The following GSE1 variants were observed in gnomAD, a reference collection of about 807,000 sequenced individuals.
The protein encoded by GSE1 is Gse1 coiled-coil protein.
In GSE1, 32 loss-of-function variants were observed where a neutral mutation model predicts 112.6. The observed-to-expected ratio is 0.28, with a 90% confidence interval of 0.21 to 0.38. The LOEUF (loss-of-function observed/expected upper bound fraction) is 0.38. Among genes scored for constraint, GSE1 ranks in the 10% least tolerant of loss-of-function variants. The pLI, the probability that GSE1 is intolerant of heterozygous loss-of-function variation, is 1.00. For missense variants in GSE1, 2,348 were observed against 1,699.2 expected (o/e 1.38, Z -6.71); for synonymous variants, 1,115 against 735.6 (o/e 1.52, Z -8.35).
chr16:85,217,248 A>C (rs1485783233), intron 1 of GSE1, among the ~76,000 whole-genome samples: 1 of 152,130 alleles, frequency 6.6e-6, no homozygotes, highest in Non-Finnish European at 1.5e-5. Flanking sequence ...ATGGGGGAAA[A>C]GGGTGGGAGG....
At chr16:85,270,676 C>T (rs529388928) in intron 1 of GSE1, among the ~76,000 whole-genome samples, 1 of 138,130 alleles carries the variant, frequency 7.2e-6, no homozygotes, top group South Asian at 2.2e-4. Context: ...GAAGGAAACA[C>T]ACACGAGAGG....
At chr16:85,540,645 T>C (rs1044474309) in intron 2 of GSE1, among the ~76,000 whole-genome samples, 2 of 152,170 alleles carry the variant, frequency 1.3e-5, no homozygotes, top group Non-Finnish European at 2.9e-5. Flanking sequence ...TACCCAGGTG[T>C]GGTGGCTCAC....
chr16:85,585,160 G>A (rs1253454459), intron 1 of GSE1, among the ~76,000 whole-genome samples: 1 of 152,194 alleles, frequency 6.6e-6, no homozygotes, highest in Admixed American at 6.5e-5. Flanking sequence ...TCTCTGGCGA[G>A]GCCACAGAGG....
intron 1 of GSE1, among the ~76,000 whole-genome samples, chr16:85,603,978 G>C (rs537549979): frequency 6.6e-6 from 1 of 152,122 alleles, no homozygotes; most frequent in South Asian, 2.1e-4. Context: ...CGGTATAATT[G>C]GTTCATGGTT....
upstream of GSE1, among the ~76,000 whole-genome samples, chr16:85,553,907 C>T (rs1474971881): frequency 6.6e-6 from 1 of 152,144 alleles, no homozygotes; most frequent in Non-Finnish European, 1.5e-5. Flanking sequence ...GCTGGGGACC[C>T]CTGATTTACG....
At chr16:85,372,690 A>T (rs2047328890) in intron 2 of GSE1, among the ~76,000 whole-genome samples, 1 of 152,080 alleles carries the variant, frequency 6.6e-6, no homozygotes, top group African/African-American at 2.4e-5. Flanking sequence ...TGGGTCTTAG[A>T]TTCCAGATCC....
Position 85,581,858 on chromosome 16 carries a change from T to A in GSE1, c.37+25495T>A, listed in dbSNP as rs144565421. On this transcript the variant is annotated intron_variant, in intron 1 of 2. Transcript: ENST00000635906. ...CTGTCCCCCACTGGCTGCATCCGAA[T>A]CTTATGGGGTTCTAGAAAACACAAA... 2.6e-5 allele frequency among the ~76,000 whole-genome samples: 4 copies of A among 152,212 alleles called. No individual in the cohort carries two copies. The East Asian group carries it at 7.7e-4, about 29-fold the overall frequency.
rs1021470710 is a variant in GSE1 at position 85,175,214 on chromosome 16, G to A, written c.2283+3407G>A. Among the ~76,000 whole-genome samples the A allele has an allele frequency of 3.9e-5, 6 of 152,282 alleles. No homozygotes were observed. In the Middle Eastern group the frequency reaches 0.01, roughly 259 times the overall value. On this transcript the variant is annotated intron_variant, in intron 1 of 2. Transcript: ENST00000637419. ...GATTTGCACTTTTCCCTCCAGCTGG[G>A]CCCCGGGTCCCCAGAGAGCACCATG...
intron 2 of GSE1, among the ~76,000 whole-genome samples, chr16:85,422,174 G>A (rs1395034680): frequency 6.6e-6 from 1 of 151,706 alleles, no homozygotes; most frequent in African/African-American, 2.4e-5. Flanking sequence ...CTCCTCCCCT[G>A]GTCCCTGGCT....
At chr16:85,469,191 G>A (rs1298407133) in intron 2 of GSE1, among the ~76,000 whole-genome samples, 1 of 152,194 alleles carries the variant, frequency 6.6e-6, no homozygotes, top group Non-Finnish European at 1.5e-5. Context: ...GGGATGTGGA[G>A]GTTGCAGTGA....
chr16:85,382,231 G>A lies in GSE1; in HGVS notation c.2464+24588G>A, dbSNP rs1487579052. ...GCTCATCTCCCCTGCCTGATCTCCCGTCCTGGTCATTCTCCAGCCCGCCCT... is the reference window on the plus strand; with the variant it reads ...GCTCATCTCCCCTGCCTGATCTCCCATCCTGGTCATTCTCCAGCCCGCCCT... On this transcript the variant is annotated intron_variant, in intron 2 of 2. Coordinates refer to the GSE1 transcript ENST00000637419. Among the ~76,000 whole-genome samples the A allele has an allele frequency of 2.6e-5, 4 of 152,112 alleles. No homozygotes were observed. The East Asian group carries it at 5.8e-4, about 22-fold the overall frequency.
chr16:85,312,204 CGGG>C (rs35882426), intron 1 of GSE1, among the ~76,000 whole-genome samples: 3 of 55,772 alleles, frequency 5.4e-5, no homozygotes, highest in African/African-American at 1.2e-4. Context: ...GATCCTCTTG[CGGG>C]GGGGGGGGGG....
upstream of GSE1, among the ~76,000 whole-genome samples, chr16:85,609,401 C>T (rs1186125522): frequency 1.3e-5 from 2 of 152,204 alleles, no homozygotes; most frequent in Non-Finnish European, 2.9e-5. Context: ...ACCCAGCTAA[C>T]CCTGGCCTCT....
intron 3 of GSE1, among the ~76,000 whole-genome samples, chr16:85,652,485 AG>A (rs1174348094): frequency 2.6e-5 from 4 of 152,194 alleles, no homozygotes; most frequent in African/African-American, 9.6e-5. Flanking sequence ...CCTACAGAGA[AG>A]GGGGGCCGGG....
intron 2 of GSE1, among the ~76,000 whole-genome samples, chr16:85,466,605 ATG>A (rs2050128135): frequency 6.6e-6 from 1 of 152,124 alleles, no homozygotes; most frequent in Non-Finnish European, 1.5e-5. Context: ...GCGGGTGGCA[ATG>A]ACGGTGGTAT....
At chr16:85,392,021 C>T (rs968610616) in intron 2 of GSE1, among the ~76,000 whole-genome samples, 2 of 152,112 alleles carry the variant, frequency 1.3e-5, no homozygotes, top group Non-Finnish European at 2.9e-5. Context: ...GAACTCCTCT[C>T]CTAGGGGCCC....
In GSE1 at chr16:85,673,772, T is replaced by A. The variant is rs1427201818; in HGVS notation, c.*1233T>A. 1 of 152,200 alleles carries A rather than the reference T, an allele frequency of 6.6e-6. No individual in the cohort carries two copies. The highest frequency in any genetic ancestry group is 2.4e-5 in the African/African-American group (1 of 41,440). The allele number at this position is 152,200 out of a possible 1,614,324, so 9.4% of individuals were successfully genotyped here. On this transcript the variant is annotated 3_prime_UTR_variant, in exon 16 of 16. Transcript: ENST00000253458. ...GGGGGTAGTCTGTAGAACCCATGTG[T>A]GACAGTCATGTGCACACATGGGCGG...
chr16:85,376,292 G>A (rs1188802023), intron 2 of GSE1, among the ~76,000 whole-genome samples: 7 of 152,204 alleles, frequency 4.6e-5, no homozygotes, highest in African/African-American at 1.4e-4. Flanking sequence ...GGGGATGATC[G>A]AGGAGCTCGA....
exon 1 of GSE1, chr16:85,170,990 C>T (rs2074350377): frequency 5.1e-6 from 5 of 985,546 alleles, no homozygotes; most frequent in Non-Finnish European, 6.0e-6. Flanking sequence ...GAGGACTGTA[C>T]CCCGGATGCC....
Sources: gnomAD v4.1 joint callset for allele counts (sites outside exome capture counted in the v4.1 genomes callset) on GRCh38, gnomAD v4.1.1 for gene constraint, MANE v1.5 for transcripts, NCBI Gene and HGNC (gene_info 2026-07-23, HGNC 2026-07-21) for gene names.